TSPAN7: variants seen among roughly 807,000 people sequenced by gnomAD.
TSPAN7 encodes the protein tetraspanin-7.
Under a neutral mutation model 17.6 loss-of-function variants are expected in TSPAN7, and 1 was observed. The observed-to-expected ratio is 0.06, with a 90% CI of 0.02 to 0.27. The LOEUF is 0.27. Among genes scored for constraint, TSPAN7 ranks in the 10% least tolerant of loss-of-function variants. The pLI, the probability that TSPAN7 is intolerant of heterozygous loss-of-function variation, is 1.00. For missense variants in TSPAN7, 112 were observed against 201.7 expected (o/e 0.56, Z 2.69); for synonymous variants, 78 against 79.0 (o/e 0.99, Z 0.07).
At chrX:38,618,292 C>T (rs2069467981) in intron 1 of TSPAN7, among the ~76,000 whole-genome samples, 1 of 112,485 alleles carries the variant, frequency 8.9e-6, no homozygotes, top group Non-Finnish European at 1.9e-5. Flanking sequence ...CTGTTCCTCT[C>T]TGGATAGAAC....
Position 38,666,303 on chromosome X carries a change from G to T in TSPAN7, c.264G>T (p.Leu88=). 1 of 1,210,290 alleles carries T rather than the reference G, an allele frequency of 8.3e-7. No homozygotes were observed. The part of the protein sequence containing the change: ...FATCRGSPWM[L]KLYAMFLSLV... ...CATGTCGTGGTAGCCCATGGATGCTGAAACTGGTGAGTATGTCACAACATA... is the reference window on the plus strand; with the variant it reads ...CATGTCGTGGTAGCCCATGGATGCTTAAACTGGTGAGTATGTCACAACATA... Residue 88 remains leucine, a synonymous_variant, in exon 2 of 8, where the codon CTG becomes CTT. Coordinates refer to ENST00000378482, the MANE Select transcript of TSPAN7 (RefSeq NM_004615.4).
At chrX:38,573,836 G>A (rs188396174) in intron 1 of TSPAN7, among the ~76,000 whole-genome samples, 4 of 111,055 alleles carry the variant, frequency 3.6e-5, no homozygotes, top group East Asian at 2.8e-4. Context: ...ATGTAGTTAT[G>A]TGCTCTGGGG....
At chrX:38,646,114 T>G in intron 1 of TSPAN7, 1 of 439,062 alleles carries the variant, frequency 2.3e-6, no homozygotes, top group East Asian at 4.1e-5. Flanking sequence ...AAACTCTGGT[T>G]TTTAAACTAG....
chrX:38,651,050 C>CAT (rs34201318), intron 1 of TSPAN7, among the ~76,000 whole-genome samples: 6,118 of 97,977 alleles, frequency 0.062, 179 homozygotes, highest in Non-Finnish European at 0.076. Context: ...AATGTGATTA[C>CAT]ATATATATAT....
chrX:38,591,141 C>T, intron 1 of TSPAN7, among the ~76,000 whole-genome samples: 1 of 110,749 alleles, frequency 9.0e-6, no homozygotes, highest in East Asian at 2.8e-4. Context: ...GGAGACCTTT[C>T]TTCTTTTCCC....
At chrX:38,614,236 T>G (rs765450919) in intron 1 of TSPAN7, among the ~76,000 whole-genome samples, 1 of 112,198 alleles carries the variant, frequency 8.9e-6, no homozygotes, top group African/African-American at 3.2e-5. Context: ...CAGTACATTT[T>G]TGACTATCCA....
At chrX:38,651,573 G>A (rs1051682757) in intron 1 of TSPAN7, among the ~76,000 whole-genome samples, 1 of 111,988 alleles carries the variant, frequency 8.9e-6, no homozygotes, top group Non-Finnish European at 1.9e-5. Context: ...TTGGTGAAAG[G>A]ACATCTTCGT....
chrX:38,598,527 T>A (rs1258422312), intron 1 of TSPAN7, among the ~76,000 whole-genome samples: 1 of 111,355 alleles, frequency 9.0e-6, no homozygotes, highest in Non-Finnish European at 1.9e-5. Flanking sequence ...TGTAGATTTT[T>A]AAAATTATTA....
At chrX:38,617,591 A>G (rs773307121) in intron 1 of TSPAN7, among the ~76,000 whole-genome samples, 1 of 112,352 alleles carries the variant, frequency 8.9e-6, no homozygotes, top group Non-Finnish European at 1.9e-5. Flanking sequence ...CATTTTATGC[A>G]CCCTGGAGAG....
chrX:38,568,350 G>T (rs1341997463), intron 1 of TSPAN7, among the ~76,000 whole-genome samples: 1 of 107,352 alleles, frequency 9.3e-6, no homozygotes, highest in Non-Finnish European at 1.9e-5. Context: ...TGGAAAAAAT[G>T]ATGTATTGGG....
intron 1 of TSPAN7, among the ~76,000 whole-genome samples, chrX:38,626,091 T>C (rs1479751362): frequency 8.9e-6 from 1 of 112,221 alleles, no homozygotes; most frequent in Non-Finnish European, 1.9e-5. Context: ...AAGCTTTGAA[T>C]AAATGATTGA....
intron 1 of TSPAN7, 134 bp downstream of exon 1, chrX:38,561,761 G>A (rs1163541783): frequency 5.6e-6 from 3 of 531,937 alleles, no homozygotes; most frequent in Non-Finnish European, 8.9e-6. Context: ...AGACAGGCGC[G>A]GGGTGCTGGG....
chrX:38,650,309 G>A (rs780319583), intron 1 of TSPAN7, among the ~76,000 whole-genome samples: 6 of 112,185 alleles, frequency 5.3e-5, no homozygotes, highest in Non-Finnish European at 9.4e-5. Context: ...TGAATAATGC[G>A]AGGCAAAATG....
At chrX:38,667,667 G>A (rs1231397784) in intron 2 of TSPAN7, among the ~76,000 whole-genome samples, 2 of 112,018 alleles carry the variant, frequency 1.8e-5, no homozygotes, top group Non-Finnish European at 3.8e-5. Flanking sequence ...TGCCTCAGCC[G>A]CCACTGATTC....
At chrX:38,565,406 T>A (rs916066714) in intron 1 of TSPAN7, among the ~76,000 whole-genome samples, 16 of 111,416 alleles carry the variant, frequency 1.4e-4, no homozygotes, top group Non-Finnish European at 2.8e-4. Context: ...ATTTTTGTAT[T>A]TTTAGTAGAG....
chrX:38,633,275 G>T (rs1420002838), intron 1 of TSPAN7, among the ~76,000 whole-genome samples: 1 of 111,472 alleles, frequency 9.0e-6, no homozygotes, highest in East Asian at 2.8e-4. Flanking sequence ...AATTGATTTA[G>T]CCGTCAAGTA....
At chrX:38,638,938 G>C (rs1317276549) in intron 1 of TSPAN7, among the ~76,000 whole-genome samples, 1 of 111,589 alleles carries the variant, frequency 9.0e-6, no homozygotes, top group Non-Finnish European at 1.9e-5. Context: ...GAAAGACGAA[G>C]TGTCTTTTCT....
At chrX:38,685,183 G>T (rs2069920056) in intron 6 of TSPAN7, among the ~76,000 whole-genome samples, 1 of 111,622 alleles carries the variant, frequency 9.0e-6, no homozygotes, top group African/African-American at 3.3e-5. Flanking sequence ...CAGAGCTGGG[G>T]CTATTCTTAG....
chrX:38,651,680 A>G (rs1262442116), intron 1 of TSPAN7, among the ~76,000 whole-genome samples: 2 of 111,716 alleles, frequency 1.8e-5, no homozygotes, highest in African/African-American at 6.5e-5. Flanking sequence ...AGCAAGCTTG[A>G]TGGTTGTGTT....
Sources: gnomAD v4.1 joint callset for allele counts (sites outside exome capture counted in the v4.1 genomes callset) on GRCh38, gnomAD v4.1.1 for gene constraint, MANE v1.5 for transcripts, NCBI Gene and HGNC (gene_info 2026-07-23, HGNC 2026-07-21) for gene names.